VPS13B: variants seen among roughly 807,000 people sequenced by gnomAD.
VPS13B encodes the protein vacuolar protein sorting 13 homolog B, also known as intermembrane lipid transfer protein VPS13B.
In VPS13B, 285 loss-of-function variants were observed where a neutral mutation model predicts 426.4. The observed-to-expected ratio is 0.67, with a 90% CI of 0.61 to 0.74. The LOEUF is 0.74. VPS13B is among the 30% of genes least tolerant of loss of function. The pLI, the probability that VPS13B is intolerant of heterozygous loss-of-function variation, is 0.00. For missense variants in VPS13B, 4,537 were observed against 4,782.6 expected (o/e 0.95, Z 1.51); for synonymous variants, 1,676 against 1,676.4 (o/e 1.00, Z 0.01).
intron 3 of VPS13B, among the ~76,000 whole-genome samples, chr8:99,040,621 A>T (rs1485477531): frequency 6.6e-6 from 1 of 152,204 alleles, no homozygotes; most frequent in African/African-American, 2.4e-5. Flanking sequence ...TTAAGCAGGT[A>T]CTAGTAAAAC....
intron 33 of VPS13B, among the ~76,000 whole-genome samples, chr8:99,581,487 G>A (rs1826057619): frequency 6.6e-6 from 1 of 152,048 alleles, no homozygotes; most frequent in Admixed American, 6.6e-5. Flanking sequence ...ATGGGGTGAG[G>A]CCACTAGACC....
At chr8:99,295,737 T>C (rs968820581) in intron 19 of VPS13B, among the ~76,000 whole-genome samples, 4 of 152,052 alleles carry the variant, frequency 2.6e-5, no homozygotes, top group African/African-American at 9.7e-5. Context: ...AATCAAAATT[T>C]GAAGTAGAAG....
chr8:99,862,380 T>C (rs1342754084), intron 58 of VPS13B, among the ~76,000 whole-genome samples: 1 of 152,180 alleles, frequency 6.6e-6, no homozygotes, highest in African/African-American at 2.4e-5. Context: ...TCACGTAAAC[T>C]TCAGTGAGGA....
chr8:99,325,861 C>A (rs1212005565), intron 19 of VPS13B, among the ~76,000 whole-genome samples: 1 of 152,116 alleles, frequency 6.6e-6, no homozygotes, highest in Non-Finnish European at 1.5e-5. Context: ...ATAATTAAAT[C>A]ATGCATTCCT....
At chr8:99,736,900 C>T (rs1277170233) in intron 39 of VPS13B, among the ~76,000 whole-genome samples, 1 of 151,928 alleles carries the variant, frequency 6.6e-6, no homozygotes, top group African/African-American at 2.4e-5. Context: ...TCTTATTTTA[C>T]AGATGAGAAA....
chr8:99,732,289 T>C (rs960711509), intron 39 of VPS13B, among the ~76,000 whole-genome samples: 5 of 152,218 alleles, frequency 3.3e-5, no homozygotes, highest in African/African-American at 1.2e-4. Flanking sequence ...ATCTTCCTGC[T>C]GTATGCTACT....
intron 2 of VPS13B, among the ~76,000 whole-genome samples, chr8:99,016,312 G>T (rs916181660): frequency 6.6e-6 from 1 of 152,110 alleles, no homozygotes; most frequent in African/African-American, 2.4e-5. Context: ...TTCCAAAGTG[G>T]TTATATCAAT....
intron 17 of VPS13B, among the ~76,000 whole-genome samples, chr8:99,251,771 G>T (rs182049840): frequency 4.6e-5 from 7 of 152,102 alleles, no homozygotes; most frequent in Non-Finnish European, 1.0e-4. Context: ...AGATTTGGTA[G>T]ATTTCTCCAT....
At chr8:99,190,285 C>G (rs959962912) in intron 16 of VPS13B, among the ~76,000 whole-genome samples, 2 of 150,560 alleles carry the variant, frequency 1.3e-5, no homozygotes, top group African/African-American at 4.9e-5. Context: ...CTTCATGCCC[C>G]TATCCCCTTA....
chr8:99,662,015 G>T (rs966035279), intron 35 of VPS13B, among the ~76,000 whole-genome samples: 1 of 152,120 alleles, frequency 6.6e-6, no homozygotes, highest in African/African-American at 2.4e-5. Flanking sequence ...ATTTTTGAGA[G>T]CTAATTATGT....
intron 36 of VPS13B, among the ~76,000 whole-genome samples, chr8:99,707,778 G>C (rs1832548581): frequency 6.6e-6 from 1 of 152,166 alleles, no homozygotes; most frequent in South Asian, 2.1e-4. Context: ...CCCTCATTGA[G>C]TACAGAGTGA....
chr8:99,443,308 T>C (rs1563733003), intron 23 of VPS13B, among the ~76,000 whole-genome samples: 2 of 152,122 alleles, frequency 1.3e-5, no homozygotes, highest in African/African-American at 4.8e-5. Flanking sequence ...CTTGTTCATA[T>C]TATTATGGTG....
At chr8:99,660,950 G>A (rs112864748) in intron 34 of VPS13B, among the ~76,000 whole-genome samples, 1 of 152,162 alleles carries the variant, frequency 6.6e-6, no homozygotes, top group Middle Eastern at 3.4e-3. Flanking sequence ...CTAATCTACT[G>A]TATCTTTGAA....
chr8:99,631,859 A>T (rs1828862073), intron 33 of VPS13B, among the ~76,000 whole-genome samples: 1 of 151,948 alleles, frequency 6.6e-6, no homozygotes, highest in Non-Finnish European at 1.5e-5. Flanking sequence ...AATTTGATGA[A>T]TGAATGAATG....
At chr8:99,864,746 C>T (rs952518588) in intron 58 of VPS13B, among the ~76,000 whole-genome samples, 1 of 152,176 alleles carries the variant, frequency 6.6e-6, no homozygotes, top group Non-Finnish European at 1.5e-5. Context: ...CCCTTCACAA[C>T]TTCATAACCC....
chr8:99,763,174 A>AAAT (rs1398625516), intron 39 of VPS13B, among the ~76,000 whole-genome samples: 1 of 150,754 alleles, frequency 6.6e-6, no homozygotes, highest in Non-Finnish European at 1.5e-5. Flanking sequence ...AAGAAGAGAA[A>AAAT]AATTAATTTG....
At chr8:99,826,831 G>A (rs894366663) in intron 51 of VPS13B, among the ~76,000 whole-genome samples, 7 of 152,014 alleles carry the variant, frequency 4.6e-5, no homozygotes, top group African/African-American at 1.4e-4. Flanking sequence ...AGATAATCAC[G>A]TCGTTTTGGT....
chr8:99,419,667 T>C (rs1816266267), intron 21 of VPS13B, among the ~76,000 whole-genome samples: 1 of 152,216 alleles, frequency 6.6e-6, no homozygotes, highest in South Asian at 2.1e-4. Context: ...ACAATGATTT[T>C]CTTCTTGATG....
At chr8:99,852,658 G>A (rs1375680074) in intron 55 of VPS13B, among the ~76,000 whole-genome samples, 2 of 152,186 alleles carry the variant, frequency 1.3e-5, no homozygotes, top group African/African-American at 2.4e-5. Flanking sequence ...TTATTAGGCT[G>A]GGGATGGAGG....
Sources: allele counts gnomAD v4.1 joint callset (sites outside exome capture counted in the v4.1 genomes callset), GRCh38; gene constraint gnomAD v4.1.1; transcripts MANE v1.5; gene names NCBI Gene and HGNC (gene_info 2026-07-23, HGNC 2026-07-21).